The following ZBTB40 variants were observed in gnomAD, a reference collection of about 807,000 sequenced individuals.
The protein encoded by ZBTB40 is zinc finger and BTB domain-containing protein 40.
In ZBTB40, 60 loss-of-function variants were observed where a neutral mutation model predicts 117.5. The ratio of observed to expected loss-of-function variants is 0.51; its 90% CI spans 0.41 to 0.63. ZBTB40 has a LOEUF of 0.63. Ranked by LOEUF, ZBTB40 falls within the 30% of genes least tolerant of loss-of-function variation. The pLI, the probability that ZBTB40 is intolerant of heterozygous loss-of-function variation, is 0.00. For synonymous variants in ZBTB40, 525 were observed against 577.1 expected, an observed-to-expected ratio of 0.91 and a Z score of 1.29; for missense variants, 1,287 against 1,498.5, an observed-to-expected ratio of 0.86 and a Z score of 2.33.
chr1:22,524,811 C>T (rs947539278), intron 17 of ZBTB40, among the ~76,000 whole-genome samples: 9 of 152,208 alleles, frequency 5.9e-5, no homozygotes, highest in African/African-American at 2.2e-4. Flanking sequence ...TTGGAGAGCG[C>T]CTCTGGGCAG....
At chr1:22,454,909 C>A (rs1201514127) in intron 1 of ZBTB40, among the ~76,000 whole-genome samples, 1 of 152,152 alleles carries the variant, frequency 6.6e-6, no homozygotes, top group East Asian at 1.9e-4. Context: ...AAAGTGCTAA[C>A]TAATAACAAA....
chr1:22,490,948 T>C (rs1569836530), intron 2 of ZBTB40, among the ~76,000 whole-genome samples: 1 of 152,354 alleles, frequency 6.6e-6, no homozygotes, highest in African/African-American at 2.4e-5. Flanking sequence ...CAGGCTGAAG[T>C]GCAATGGCAT....
At chr1:22,446,392 C>T (rs1640790140) in intron 1 of ZBTB40, among the ~76,000 whole-genome samples, 1 of 151,976 alleles carries the variant, frequency 6.6e-6, no homozygotes, top group Admixed American at 6.6e-5. Flanking sequence ...TAATGTCAGA[C>T]ATCGAACCAC....
chr1:22,495,805 C>T (rs1203906243), intron 3 of ZBTB40, among the ~76,000 whole-genome samples: 2 of 152,194 alleles, frequency 1.3e-5, no homozygotes, highest in Admixed American at 6.5e-5. Context: ...CATGAGCCAC[C>T]GCACCCAGCC....
At chr1:22,454,245 G>A (rs1300947819) in intron 1 of ZBTB40, among the ~76,000 whole-genome samples, 2 of 152,144 alleles carry the variant, frequency 1.3e-5, no homozygotes, top group African/African-American at 2.4e-5. Context: ...GAGCCATCGC[G>A]CCCGGCCTCG....
rs933587176 is a variant in ZBTB40 at position 22,524,594 on chromosome 1, C to A, written c.3525+150C>A. The A allele has an allele frequency of 2.6e-5, 25 of 954,130 alleles. No individual in the cohort carries two copies. The South Asian group carries it at 3.2e-4, about 12-fold the overall frequency. 59.1% of individuals were successfully genotyped at this position (954,130 alleles called of 1,614,324 possible). ...TTCTTACAAAACAGAACAGAAAATT[C>A]TAGTCTCCTGGTGGCCACATGGGAA... On this transcript the variant is annotated intron_variant, in intron 17 of 17. Coordinates refer to ENST00000375647, the MANE Select transcript of ZBTB40 (RefSeq NM_014870.4).
At chr1:22,500,807 C>A (rs1256601831) in intron 3 of ZBTB40, among the ~76,000 whole-genome samples, 1 of 152,338 alleles carries the variant, frequency 6.6e-6, no homozygotes, top group Non-Finnish European at 1.5e-5. Flanking sequence ...CAAGCCAACA[C>A]ACTGTTAGCC....
intron 3 of ZBTB40, among the ~76,000 whole-genome samples, chr1:22,494,225 C>T (rs953172920): frequency 6.6e-6 from 1 of 152,172 alleles, no homozygotes; most frequent in Non-Finnish European, 1.5e-5. Context: ...AGATGGTTTG[C>T]TGTTACTTTA....
intron 1 of ZBTB40, among the ~76,000 whole-genome samples, chr1:22,486,102 T>C (rs886249131): frequency 3.9e-5 from 6 of 152,226 alleles, no homozygotes; most frequent in Admixed American, 3.9e-4. Flanking sequence ...TGTCTGTTTG[T>C]TTGTCTTTTA....
intron 1 of ZBTB40, among the ~76,000 whole-genome samples, chr1:22,486,500 G>T (rs1638470992): frequency 6.6e-6 from 1 of 152,184 alleles, no homozygotes; most frequent in Non-Finnish European, 1.5e-5. Context: ...CCCGCTGCTG[G>T]AAGCAAGAGG....
chr1:22,435,187 G>A (rs1640654210), intron 1 of ZBTB40, among the ~76,000 whole-genome samples: 2 of 151,966 alleles, frequency 1.3e-5, no homozygotes, highest in African/African-American at 4.8e-5. Flanking sequence ...TTTTTATAGA[G>A]ATTGGGTCTC....
intron 1 of ZBTB40, among the ~76,000 whole-genome samples, chr1:22,436,238 G>A (rs367875642): frequency 9.9e-5 from 15 of 152,086 alleles, no homozygotes; most frequent in South Asian, 2.1e-4. Context: ...CATGCCGGAC[G>A]CGGTGGCTCA....
intron 13 of ZBTB40, 69 bp from the exon 14 acceptor site, chr1:22,519,992 C>A: frequency 7.1e-7 from 1 of 1,412,026 alleles, no homozygotes; most frequent in Non-Finnish European, 1.0e-6. Flanking sequence ...CAGTGTTTCA[C>A]TGATGGCTGC....
chr1:22,518,399 A>G (rs537827513), intron 13 of ZBTB40, among the ~76,000 whole-genome samples: 2 of 152,356 alleles, frequency 1.3e-5, no homozygotes, highest in Admixed American at 1.3e-4. Flanking sequence ...GTAAAGCATG[A>G]CACTCCACGC....
rs1639304060 is a variant in ZBTB40 at position 22,513,752 on chromosome 1, G to A, written c.2668+622G>A. ...TTAAAAAACAATGCACAACCTCTAG[G>A]CAAACAGACGACTGGGAATAGCTCT... On this transcript the variant is annotated intron_variant, in intron 12 of 17. Transcript: ENST00000375647. The surrounding 1 kb of genome is among the most constrained non-coding windows in gnomAD (Gnocchi z 4.9). Among the ~76,000 whole-genome samples the A allele has an allele frequency of 6.6e-6, 1 of 152,120 alleles. No homozygotes were observed.
At chr1:22,461,153 T>C (rs1326915424) in intron 1 of ZBTB40, among the ~76,000 whole-genome samples, 3 of 152,198 alleles carry the variant, frequency 2.0e-5, no homozygotes, top group African/African-American at 7.2e-5. Context: ...TTGTTACTTT[T>C]GAATGTTGCT....
chr1:22,431,459 C>T (rs1312868391), intron 1 of ZBTB40, among the ~76,000 whole-genome samples: 9 of 147,354 alleles, frequency 6.1e-5, no homozygotes, highest in African/African-American at 2.0e-4. Context: ...CTTTTACTGG[C>T]CGGGTGCAGT....
intron 1 of ZBTB40, among the ~76,000 whole-genome samples, chr1:22,453,907 A>T (rs1640943052): frequency 6.6e-6 from 1 of 152,236 alleles, no homozygotes; most frequent in South Asian, 2.1e-4. Flanking sequence ...AATACCAAGT[A>T]AACAAATCTA....
intron 15 of ZBTB40, 92 bp from the exon 16 acceptor site, chr1:22,522,285 C>T: frequency 2.5e-6 from 3 of 1,184,024 alleles, no homozygotes; most frequent in Non-Finnish European, 3.8e-6. Context: ...TAAGTATTGG[C>T]CATCGCCCCA....
Sources: gnomAD v4.1 joint callset for allele counts (sites outside exome capture counted in the v4.1 genomes callset) on GRCh38, gnomAD v4.1.1 for gene constraint, Gnocchi (gnomAD v3.1) non-coding constraint, MANE v1.5 for transcripts, NCBI Gene and HGNC (gene_info 2026-07-23, HGNC 2026-07-21) for gene names.